NALF1: variants seen among roughly 807,000 people sequenced by gnomAD.
NALF1 encodes family with sequence similarity 155 member A.
Under a neutral mutation model 48.4 loss-of-function variants are expected in NALF1, and 3 were observed. The ratio of observed to expected loss-of-function variants is 0.06; its 90% CI spans 0.03 to 0.16. The LOEUF (loss-of-function observed/expected upper bound fraction) is 0.16. NALF1 is among the 10% of genes least tolerant of loss of function. The probability of loss-of-function intolerance (pLI) is 1.00; values close to 1 mark genes in which losing one functional copy is unlikely to be tolerated. For missense variants in NALF1, 526 were observed against 571.5 expected (o/e 0.92, Z 0.81); for synonymous variants, 262 against 245.7 (o/e 1.07, Z -0.62).
At chr13:107,174,724 C>G (rs1878881626) in intron 2 of NALF1, among the ~76,000 whole-genome samples, 1 of 151,772 alleles carries the variant, frequency 6.6e-6, no homozygotes, top group African/African-American at 2.4e-5. Context: ...ATCCAATATC[C>G]ATCCAGGAAG....
At chr13:107,522,669 T>C (rs529252698) in intron 1 of NALF1, among the ~76,000 whole-genome samples, 1 of 152,092 alleles carries the variant, frequency 6.6e-6, no homozygotes, top group South Asian at 2.1e-4. Flanking sequence ...AGTGGTGTGA[T>C]CTCGACTCAC....
At chr13:107,723,976 T>C (rs956187993) in intron 1 of NALF1, among the ~76,000 whole-genome samples, 1 of 152,210 alleles carries the variant, frequency 6.6e-6, no homozygotes, top group African/African-American at 2.4e-5. Context: ...GATAAAGTTA[T>C]GTTCCAAGTT....
intron 1 of NALF1, among the ~76,000 whole-genome samples, chr13:107,339,077 T>C (rs142930243): frequency 0.014 from 1,944 of 142,136 alleles, 16 homozygotes; most frequent in Non-Finnish European, 0.021. Flanking sequence ...GAGCTTGCAG[T>C]GAGCAGAGAT....
intron 1 of NALF1, among the ~76,000 whole-genome samples, chr13:107,775,475 T>C (rs1209090620): frequency 6.6e-6 from 1 of 151,344 alleles, no homozygotes; most frequent in African/African-American, 2.4e-5. Flanking sequence ...TTTGGGTTGG[T>C]TCCAAGTCTT....
intron 1 of NALF1, among the ~76,000 whole-genome samples, chr13:107,476,791 A>G (rs746300664): frequency 1.3e-5 from 2 of 152,150 alleles, no homozygotes; most frequent in Non-Finnish European, 2.9e-5. Context: ...CTGGCAGCAG[A>G]GACAACCACA....
intron 1 of NALF1, among the ~76,000 whole-genome samples, chr13:107,351,710 C>T (rs754735520): frequency 6.6e-6 from 1 of 152,268 alleles, no homozygotes; most frequent in Middle Eastern, 3.4e-3. Context: ...GATTATAATC[C>T]TTATTTCTTA....
At chr13:107,181,128 C>T (rs1927748) in intron 2 of NALF1, among the ~76,000 whole-genome samples, 83,368 of 151,162 alleles carry the variant, frequency 0.55, 23,432 homozygotes, top group Middle Eastern at 0.68. Context: ...TGAAAGGTTT[C>T]TTAGTTTTAT....
In NALF1 at chr13:107,867,325, C is replaced by T. The variant is rs1047824467; in HGVS notation, c.-729G>A. On this transcript the variant is annotated 5_prime_UTR_variant, in exon 1 of 3. Coordinates refer to ENST00000375915, the MANE Select transcript of NALF1 (RefSeq NM_001080396.3). This position sits in a 1 kb window ranked among gnomAD's most constrained non-coding sequence, Gnocchi z 4.4. ...GTGCTGCCGCCGCCGCCGCCGCCGC[C>T]GCCGCTGCCGCAGGGCCGCCCGCGG... 3.2e-5 allele frequency among the ~76,000 whole-genome samples: 4 copies of T among 123,092 alleles called. No homozygotes were observed. The highest frequency in any genetic ancestry group is 1.8e-5 in the Non-Finnish European group (1 of 54,338). 80.8% of individuals were successfully genotyped at this position (123,092 alleles called of 152,430 possible). A position where few individuals can be genotyped will look rare whatever the true frequency, so the allele number is the denominator to read the frequency against.
At chr13:107,832,090 T>C (rs916373481) in intron 1 of NALF1, among the ~76,000 whole-genome samples, 4 of 152,132 alleles carry the variant, frequency 2.6e-5, no homozygotes. Context: ...TTATATCTGG[T>C]ACTGAAACCA....
At position 107,643,202 on chromosome 13, in the gene NALF1, T is replaced by C. The variant is rs550324535; in HGVS notation, c.915+222480A>G. 2.6e-5 allele frequency among the ~76,000 whole-genome samples: 4 copies of C among 152,334 alleles called. No homozygotes were observed. In the South Asian group the frequency reaches 8.3e-4, roughly 32 times the overall value. ...AAGATGTTTATGGCCTGGTGATGAT[T>C]GTACTCAAGAACACAGTGATGTTAT... is the stretch of plus-strand genomic sequence containing the variant. On this transcript the variant is annotated intron_variant, in intron 1 of 2. Transcript: ENST00000375915.
chr13:107,282,813 C>T (rs1468880500), intron 1 of NALF1, among the ~76,000 whole-genome samples: 1 of 152,182 alleles, frequency 6.6e-6, no homozygotes, highest in Non-Finnish European at 1.5e-5. Flanking sequence ...GATGCTGTGC[C>T]TGTAGAAGCC....
chr13:107,213,421 G>T (rs1379070784), intron 1 of NALF1, among the ~76,000 whole-genome samples: 3 of 152,050 alleles, frequency 2.0e-5, no homozygotes, highest in African/African-American at 7.2e-5. Flanking sequence ...GGTGGCATCC[G>T]TTATGAGCTA....
In NALF1 at chr13:107,380,997, A is replaced by ACCGT. The variant is rs1319917237; in HGVS notation, c.916-170243_916-170242insACGG. Among the ~76,000 whole-genome samples, 14 of 150,012 alleles carry ACCGT rather than the reference A, an allele frequency of 9.3e-5. No homozygotes were observed. In the East Asian group the frequency reaches 2.1e-3, roughly 23 times the overall value. On this transcript the variant is annotated intron_variant, in intron 1 of 2. Coordinates refer to ENST00000375915, the MANE Select transcript of NALF1 (RefSeq NM_001080396.3). ...GGTCTCAAAAAAAAAAAAAAAAAAGAATACATACATTTTAGTAGAACTGGT... is the reference window on the plus strand; with the variant it reads ...GGTCTCAAAAAAAAAAAAAAAAAAGACCGTATACATACATTTTAGTAGAACTGGT...
Position 107,170,413 on chromosome 13 carries a change from A to G in NALF1, c.*84T>C. On this transcript the variant is annotated 3_prime_UTR_variant, in exon 3 of 3. Transcript: ENST00000375915. ...TTGCAATAAGTAATTCGAGGGTAAA[A>G]GCACCCAGTTTCTGTTACATGAGAC... 1 of 1,410,344 alleles carries G rather than the reference A, an allele frequency of 7.1e-7. No homozygotes were observed. Among genetic ancestry groups the G allele is most frequent in the Non-Finnish European group, 9.6e-7 (1 of 1,040,066 alleles). The allele number at this position is 1,410,344 out of a possible 1,614,324, so 87.4% of individuals were successfully genotyped here. A position where few individuals can be genotyped will look rare whatever the true frequency, so the allele number is the denominator to read the frequency against.
At chr13:107,569,371 C>T (rs1255063593) in intron 1 of NALF1, among the ~76,000 whole-genome samples, 1 of 151,906 alleles carries the variant, frequency 6.6e-6, no homozygotes, top group Non-Finnish European at 1.5e-5. Context: ...ACTCGGGACG[C>T]TGAGGCAGGA....
chr13:107,349,605 G>A (rs1436126361), intron 1 of NALF1, among the ~76,000 whole-genome samples: 1 of 152,014 alleles, frequency 6.6e-6, no homozygotes, highest in African/African-American at 2.4e-5. Flanking sequence ...GCCAGGCATG[G>A]TGGTGTATGC....
chr13:107,630,444 T>G (rs1879806766), intron 1 of NALF1, among the ~76,000 whole-genome samples: 1 of 152,086 alleles, frequency 6.6e-6, no homozygotes, highest in South Asian at 2.1e-4. Flanking sequence ...TCCAGCAAAT[T>G]GCATTACACC....
chr13:107,240,596 T>C (rs1880446704), intron 1 of NALF1, among the ~76,000 whole-genome samples: 1 of 152,202 alleles, frequency 6.6e-6, no homozygotes, highest in South Asian at 2.1e-4. Context: ...ACACCTTGGC[T>C]CTTAACTATA....
intron 1 of NALF1, among the ~76,000 whole-genome samples, chr13:107,758,950 G>A (rs2138559545): frequency 6.6e-6 from 1 of 152,262 alleles, no homozygotes; most frequent in East Asian, 1.9e-4. Flanking sequence ...AGCCAAGCTA[G>A]ATGATCTAAG....
Sources: gnomAD v4.1 joint callset for allele counts (sites outside exome capture counted in the v4.1 genomes callset) on GRCh38, gnomAD v4.1.1 for gene constraint, Gnocchi (gnomAD v3.1) non-coding constraint, MANE v1.5 for transcripts, NCBI Gene and HGNC (gene_info 2026-07-23, HGNC 2026-07-21) for gene names.